The following PPP1R13B variants were observed in gnomAD, a reference collection of about 807,000 sequenced individuals.
PPP1R13B encodes protein phosphatase 1 regulatory subunit 13B.
In PPP1R13B, 44 loss-of-function variants were observed where a neutral mutation model predicts 119.8. That is an observed-to-expected ratio of 0.37 (90% CI 0.29 to 0.47). The LOEUF is 0.47. Ranked by LOEUF, PPP1R13B falls within the 20% of genes least tolerant of loss-of-function variation. The pLI, the probability that PPP1R13B is intolerant of heterozygous loss-of-function variation, is 0.99. For missense variants in PPP1R13B, 1,227 were observed against 1,413.5 expected (o/e 0.87, Z 2.12); for synonymous variants, 542 against 561.5 (o/e 0.97, Z 0.49).
At chr14:103,821,951 A>G (rs1462962282) in intron 1 of PPP1R13B, among the ~76,000 whole-genome samples, 1 of 152,178 alleles carries the variant, frequency 6.6e-6, no homozygotes, top group Non-Finnish European at 1.5e-5. Context: ...TCATAAAATT[A>G]AGAACTAAAT....
chr14:103,842,137 G>A (rs773310921), intron 1 of PPP1R13B, among the ~76,000 whole-genome samples: 3 of 152,056 alleles, frequency 2.0e-5, no homozygotes, highest in Non-Finnish European at 4.4e-5. Flanking sequence ...TTTAATGAAA[G>A]CTAAATACTG....
At chr14:103,751,958 A>G (rs1209938807) in intron 7 of PPP1R13B, among the ~76,000 whole-genome samples, 1 of 152,226 alleles carries the variant, frequency 6.6e-6, no homozygotes, top group Non-Finnish European at 1.5e-5. Flanking sequence ...TTACTGGATT[A>G]TTATCTGCTA....
chr14:103,798,382 G>A (rs1202206720), intron 1 of PPP1R13B, among the ~76,000 whole-genome samples: 3 of 151,834 alleles, frequency 2.0e-5, no homozygotes, highest in Non-Finnish European at 2.9e-5. Flanking sequence ...TCGATCTCCC[G>A]ACCTCGTGAT....
intron 1 of PPP1R13B, among the ~76,000 whole-genome samples, chr14:103,820,054 T>C (rs1427179658): frequency 6.6e-6 from 1 of 152,048 alleles, no homozygotes; most frequent in African/African-American, 2.4e-5. Context: ...GTCCTCTACC[T>C]GCCAACGGGT....
upstream of PPP1R13B, chr14:103,847,631 A>T (rs897417740): frequency 4.1e-6 from 4 of 984,974 alleles, no homozygotes; most frequent in East Asian, 2.3e-4. Context: ...CCCCAGCGCG[A>T]CGCCCCGCAC....
At chr14:103,842,301 CTTTTT>C (rs34596421) in intron 1 of PPP1R13B, among the ~76,000 whole-genome samples, 10 of 117,974 alleles carry the variant, frequency 8.5e-5, no homozygotes, top group Non-Finnish European at 1.4e-4. Context: ...AGAGTGCCTT[CTTTTT>C]TTTTTTTTTT....
intron 1 of PPP1R13B, among the ~76,000 whole-genome samples, chr14:103,802,473 C>T (rs1425175326): frequency 2.0e-5 from 3 of 152,296 alleles, no homozygotes; most frequent in Admixed American, 6.5e-5. Context: ...TCACTCAGTA[C>T]TTCGGAATCG....
In PPP1R13B at chr14:103,742,109, G is replaced by C. The variant is rs1353165463; in HGVS notation, c.1503C>G (p.Thr501=). The C allele has an allele frequency of 1.2e-6, 2 of 1,613,496 alleles. No homozygotes were observed. The highest frequency in any genetic ancestry group is 2.2e-5 in the South Asian group (2 of 91,076). Residue 501 remains threonine (T), a synonymous_variant, in exon 11 of 17, where the codon ACC becomes ACG. Transcript: ENST00000202556. This position sits in a 1 kb window ranked among gnomAD's most constrained non-coding sequence, Gnocchi z 4.9. ...GGGTGCTGCCTGTGGCGGGCAGCAGGGTGGGCCTCTGTCGACTTGGCAGGC... is the reference window on the plus strand; with the variant it reads ...GGGTGCTGCCTGTGGCGGGCAGCAGCGTGGGCCTCTGTCGACTTGGCAGGC... ...SAGLPSRQRP[T]LLPATGSTPQ...
intron 16 of PPP1R13B, among the ~76,000 whole-genome samples, chr14:103,735,635 G>A (rs753754330): frequency 2.8e-4 from 43 of 152,310 alleles, no homozygotes; most frequent in African/African-American, 4.3e-4. Context: ...CAGCCTGCAC[G>A]TTCCCACCTC....
intron 3 of PPP1R13B, among the ~76,000 whole-genome samples, chr14:103,783,451 C>A (rs1166217731): frequency 6.6e-6 from 1 of 152,090 alleles, no homozygotes; most frequent in Non-Finnish European, 1.5e-5. Context: ...GGGGTTTTAC[C>A]ACGTTGGCCA....
chr14:103,822,702 A>G (rs536378505), intron 1 of PPP1R13B, among the ~76,000 whole-genome samples: 30 of 152,064 alleles, frequency 2.0e-4, no homozygotes, highest in Non-Finnish European at 4.3e-4. Flanking sequence ...AATCCCAGCT[A>G]CTGGGGAGGC....
chr14:103,812,707 A>G (rs907567972), intron 1 of PPP1R13B, among the ~76,000 whole-genome samples: 1 of 152,158 alleles, frequency 6.6e-6, no homozygotes, highest in South Asian at 2.1e-4. Context: ...GAGCCACCGC[A>G]CCTGGCCAAA....
In PPP1R13B at chr14:103,800,921, G is replaced by A. The variant is rs555062531; in HGVS notation, c.10-3403C>T. On this transcript the variant is annotated intron_variant, in intron 1 of 16. Transcript: ENST00000202556. ...GTTGGAATGCAATGGCATGAACTCGGCTCACTGCAACCTCCGCCTCCTGGG... is the reference window on the plus strand; with the variant it reads ...GTTGGAATGCAATGGCATGAACTCGACTCACTGCAACCTCCGCCTCCTGGG... Among the ~76,000 whole-genome samples the A allele has an allele frequency of 9.2e-5, 14 of 152,054 alleles. No individual in the cohort carries two copies. The East Asian group carries it at 2.3e-3, about 25-fold the overall frequency.
intron 5 of PPP1R13B, among the ~76,000 whole-genome samples, chr14:103,754,526 C>T (rs771127562): frequency 1.6e-5 from 2 of 128,104 alleles, no homozygotes; most frequent in African/African-American, 6.0e-5. Flanking sequence ...CGTGCCACTG[C>T]ACTCCAGCCT....
At position 103,742,110 on chromosome 14, in the gene PPP1R13B, G is replaced by T; in HGVS notation, c.1502C>A (p.Thr501Asn). The T allele has an allele frequency of 6.2e-7, 1 of 1,613,352 alleles. No homozygotes were observed. Among genetic ancestry groups the T allele is most frequent in the Middle Eastern group, 1.6e-4 (1 of 6,062 alleles). ...GGTGCTGCCTGTGGCGGGCAGCAGG[G>T]TGGGCCTCTGTCGACTTGGCAGGCC... is the stretch of plus-strand genomic sequence containing the variant. ...SAGLPSRQRP[T>N]LLPATGSTPQ... The change falls in exon 11 of 17, where the codon ACC becomes AAC. Residue 501 changes from threonine (T) to asparagine (N), a missense_variant. Coordinates refer to ENST00000202556, the MANE Select transcript of PPP1R13B (RefSeq NM_015316.3). The surrounding 1 kb of genome is among the most constrained non-coding windows in gnomAD (Gnocchi z 4.9).
intron 4 of PPP1R13B, chr14:103,762,713 T>TG (rs1463130746): frequency 4.8e-6 from 3 of 627,358 alleles, no homozygotes; most frequent in African/African-American, 1.8e-5. Flanking sequence ...AGTCCCTGGG[T>TG]GTCGGCGGTG....
intron 2 of PPP1R13B, among the ~76,000 whole-genome samples, chr14:103,792,800 G>A (rs1334787357): frequency 6.6e-6 from 1 of 152,084 alleles, no homozygotes; most frequent in Admixed American, 6.6e-5. Flanking sequence ...GCTGGGTGCA[G>A]TGGCTCATGC....
At chr14:103,842,440 C>T (rs2086931441) in intron 1 of PPP1R13B, among the ~76,000 whole-genome samples, 1 of 151,442 alleles carries the variant, frequency 6.6e-6, no homozygotes, top group Admixed American at 6.6e-5. Context: ...GTAGCTGGGA[C>T]TACAGGCACC....
intron 6 of PPP1R13B, 38 bp from the exon 7 acceptor site, chr14:103,753,234 G>T: frequency 2.0e-6 from 3 of 1,480,812 alleles, no homozygotes; most frequent in Non-Finnish European, 2.7e-6. Context: ...AAAAGATTTA[G>T]TTGATCCTTT....
Sources: allele counts gnomAD v4.1 joint callset (sites outside exome capture counted in the v4.1 genomes callset), GRCh38; gene constraint gnomAD v4.1.1; non-coding constraint Gnocchi (gnomAD v3.1); transcripts MANE v1.5; gene names NCBI Gene and HGNC (gene_info 2026-07-23, HGNC 2026-07-21).